ATP8A1: variants seen among roughly 807,000 people sequenced by gnomAD.
ATP8A1 encodes the protein phospholipid-transporting ATPase IA.
ATP8A1 carries 90 observed loss-of-function variants against 177.7 expected under a neutral mutation model. That is an observed-to-expected ratio of 0.51 (90% CI 0.43 to 0.60). The LOEUF is 0.60. Among genes scored for constraint, ATP8A1 ranks in the 20% least tolerant of loss-of-function variants. The pLI is 0.00. For missense variants in ATP8A1, 1,072 were observed against 1,392.8 expected (o/e 0.77, Z 3.67); for synonymous variants, 493 against 485.9 (o/e 1.01, Z -0.19).
At chr4:42,470,766 G>C (rs1308864651) in intron 25 of ATP8A1, among the ~76,000 whole-genome samples, 1 of 152,132 alleles carries the variant, frequency 6.6e-6, no homozygotes. Flanking sequence ...ACCAAGCCCA[G>C]TATTTACTAA....
At chr4:42,608,449 T>C (rs1475786918) in intron 5 of ATP8A1, among the ~76,000 whole-genome samples, 1 of 151,460 alleles carries the variant, frequency 6.6e-6, no homozygotes, top group Non-Finnish European at 1.5e-5. Flanking sequence ...AACCTCCACC[T>C]CTCAGGTTCA....
At chr4:42,555,083 G>A (rs112281806) in intron 16 of ATP8A1, among the ~76,000 whole-genome samples, 2 of 136,200 alleles carry the variant, frequency 1.5e-5, no homozygotes, top group South Asian at 2.4e-4. Flanking sequence ...CCCTTTGTGT[G>A]TGTATCTATC....
chr4:42,656,805 G>T lies in ATP8A1; in HGVS notation c.49+20C>A. 1.3e-6 allele frequency: 2 copies of T among 1,553,420 alleles called. No individual in the cohort carries two copies. The highest frequency in any genetic ancestry group is 1.7e-6 in the Non-Finnish European group (2 of 1,148,068). On this transcript the variant is annotated intron_variant, in intron 1 of 36. Coordinates refer to ENST00000381668, the MANE Select transcript of ATP8A1 (RefSeq NM_006095.2). ...CGCTTCCCGACCCCGGGCTAGCCCC[G>T]AGCCTCGGCGGCCCCTTACCTTCGG...
chr4:42,449,958 C>T lies in ATP8A1; in HGVS notation c.2896+2023G>A, dbSNP rs143593304. On this transcript the variant is annotated intron_variant, in intron 30 of 36. Transcript: ENST00000381668. ...TTTCTAATTTAGAAGGTTGAAATAGCAGTTTAGAAGACGGGCATACCTTAT... is the reference window on the plus strand; with the variant it reads ...TTTCTAATTTAGAAGGTTGAAATAGTAGTTTAGAAGACGGGCATACCTTAT... Among the ~76,000 whole-genome samples the T allele has an allele frequency of 1.2e-4, 19 of 152,240 alleles. No homozygotes were observed. The East Asian group carries it at 2.1e-3, about 17-fold the overall frequency.
At chr4:42,456,295 A>C (rs1378062532) in intron 27 of ATP8A1, among the ~76,000 whole-genome samples, 2 of 152,104 alleles carry the variant, frequency 1.3e-5, no homozygotes, top group Non-Finnish European at 2.9e-5. Flanking sequence ...GAAACCATAT[A>C]TCTCTCTTTT....
intron 25 of ATP8A1, among the ~76,000 whole-genome samples, chr4:42,482,314 A>AAAAC (rs1321309060): frequency 7.9e-6 from 1 of 126,572 alleles, no homozygotes; most frequent in African/African-American, 2.8e-5. Flanking sequence ...CAAAAACAAA[A>AAAAC]AAACAAACAA....
intron 30 of ATP8A1, among the ~76,000 whole-genome samples, chr4:42,447,664 A>G (rs17630450): frequency 0.15 from 23,368 of 152,214 alleles, 2,225 homozygotes; most frequent in South Asian, 0.24. Context: ...GTTTATTCAG[A>G]GTCAAATATG....
At chr4:42,477,559 A>G (rs1222587691) in intron 25 of ATP8A1, among the ~76,000 whole-genome samples, 1 of 152,242 alleles carries the variant, frequency 6.6e-6, no homozygotes, top group African/African-American at 2.4e-5. Context: ...TACAGAGGAT[A>G]TAGATTGCAG....
chr4:42,469,850 C>A (rs1560360133), intron 25 of ATP8A1, among the ~76,000 whole-genome samples: 1 of 105,462 alleles, frequency 9.5e-6, no homozygotes, highest in East Asian at 5.6e-4. Flanking sequence ...CATACAATTT[C>A]CATGAGTCTA....
rs1452299333 is a variant in ATP8A1, at chr4:42,451,985, C to T, written c.2892G>A (p.Gln964=). 3 of 1,608,144 alleles carry T rather than the reference C, an allele frequency of 1.9e-6. No individual in the cohort carries two copies. Among genetic ancestry groups the T allele is most frequent in the African/African-American group, 1.3e-5 (1 of 74,754 alleles). Residue 964 remains glutamine (Q), a synonymous_variant, in exon 30 of 37, where the codon CAG becomes CAA. Transcript: ENST00000381668. ...ATTCATATCCCTTCTACTTACCATA[C>T]TGAAGGGCTTTTAGTGGAAACCAAA... The part of the protein sequence containing the change: ...ILFWFPLKAL[Q]YGTAFGNGKT...
intron 31 of ATP8A1, among the ~76,000 whole-genome samples, chr4:42,445,828 C>T (rs1483859685): frequency 6.6e-6 from 1 of 151,914 alleles, no homozygotes; most frequent in Admixed American, 6.6e-5. Context: ...GCCTTTAATC[C>T]CAGCACTTTG....
chr4:42,635,514 A>G (rs35867031), intron 1 of ATP8A1, among the ~76,000 whole-genome samples: 26,608 of 151,524 alleles, frequency 0.18, 2,504 homozygotes, highest in Non-Finnish European at 0.21. Flanking sequence ...CAGTCAAAGA[A>G]TCTAATAAAA....
At chr4:42,471,509 T>C (rs550199959) in intron 25 of ATP8A1, among the ~76,000 whole-genome samples, 13 of 152,358 alleles carry the variant, frequency 8.5e-5, no homozygotes, top group Admixed American at 1.3e-4. Flanking sequence ...ATGATTCAGA[T>C]AAGTAGTTTA....
chr4:42,569,759 A>T (rs559047906), intron 14 of ATP8A1, among the ~76,000 whole-genome samples: 3 of 152,312 alleles, frequency 2.0e-5, no homozygotes, highest in African/African-American at 2.4e-5. Flanking sequence ...ATATTAAAAA[A>T]TTTTCACTTA....
intron 24 of ATP8A1, among the ~76,000 whole-genome samples, chr4:42,497,491 G>A (rs750445899): frequency 3.4e-4 from 51 of 152,116 alleles, no homozygotes; most frequent in Admixed American, 8.5e-4. Context: ...TAGGTCTCAG[G>A]GAGCTCTTGG....
At chr4:42,454,229 T>A (rs1396157766) in intron 29 of ATP8A1, among the ~76,000 whole-genome samples, 2 of 152,212 alleles carry the variant, frequency 1.3e-5, no homozygotes, top group Non-Finnish European at 2.9e-5. Context: ...AAGAATAATG[T>A]CTTGCCCATA....
intron 31 of ATP8A1, among the ~76,000 whole-genome samples, chr4:42,445,724 T>A (rs928170523): frequency 5.3e-5 from 8 of 152,214 alleles, no homozygotes; most frequent in African/African-American, 1.9e-4. Context: ...CAATTTAGGT[T>A]ATTTGTTAAA....
chr4:42,551,065 A>AC, intron 18 of ATP8A1, 133 bp downstream of exon 18: 1 of 685,448 alleles, frequency 1.5e-6, no homozygotes, highest in Non-Finnish European at 2.6e-6. Flanking sequence ...GAAATAGCTA[A>AC]AAGAACACCC....
At chr4:42,462,079 A>T (rs1719226816) in intron 27 of ATP8A1, among the ~76,000 whole-genome samples, 1 of 152,212 alleles carries the variant, frequency 6.6e-6, no homozygotes, top group African/African-American at 2.4e-5. Context: ...TGTTAAAGGC[A>T]TTCAGTTTTG....
Sources: gnomAD v4.1 joint callset for allele counts (sites outside exome capture counted in the v4.1 genomes callset) on GRCh38, gnomAD v4.1.1 for gene constraint, MANE v1.5 for transcripts, NCBI Gene and HGNC (gene_info 2026-07-23, HGNC 2026-07-21) for gene names.